The following SIRPD variants were observed in gnomAD, a reference collection of about 807,000 sequenced individuals.
The protein encoded by SIRPD is signal-regulatory protein delta.
Under a neutral mutation model 18.0 loss-of-function variants are expected in SIRPD, and 21 were observed. The ratio of observed to expected loss-of-function variants is 1.17; its 90% CI spans 0.83 to 1.68. The LOEUF is 1.68. Ranked by LOEUF, SIRPD falls within the 40% of genes most tolerant of loss-of-function variation. The probability of loss-of-function intolerance (pLI) is 0.00; values close to 1 mark genes in which losing one functional copy is unlikely to be tolerated. For missense variants in SIRPD, 295 were observed against 238.4 expected (o/e 1.24, Z -1.56); for synonymous variants, 106 against 92.9 (o/e 1.14, Z -0.81).
At chr20:1,549,752 A>G (rs895345532) in intron 2 of SIRPD, among the ~76,000 whole-genome samples, 1 of 152,136 alleles carries the variant, frequency 6.6e-6, no homozygotes, top group Non-Finnish European at 1.5e-5. Context: ...AATTTTCACC[A>G]GTTTCCATGG....
At chr20:1,555,521 G>C (rs2091036652) in intron 1 of SIRPD, among the ~76,000 whole-genome samples, 2 of 152,164 alleles carry the variant, frequency 1.3e-5, no homozygotes, top group South Asian at 4.1e-4. Flanking sequence ...TATGTGAGGT[G>C]ATGGATATGT....
At chr20:1,551,668 T>C (rs528800367) in intron 2 of SIRPD, 23 bp downstream of exon 2, 3 of 1,560,604 alleles carry the variant, frequency 1.9e-6, no homozygotes, top group African/African-American at 2.7e-5. Context: ...CCAGGGGGTA[T>C]GGGGTATAGG....
At chr20:1,550,106 A>G (rs903992097) in intron 2 of SIRPD, among the ~76,000 whole-genome samples, 1 of 152,184 alleles carries the variant, frequency 6.6e-6, no homozygotes, top group Non-Finnish European at 1.5e-5. Flanking sequence ...AGAAGAGTCT[A>G]CCTGGGTTCC....
intron 3 of SIRPD, among the ~76,000 whole-genome samples, chr20:1,536,652 C>G (rs1479965527): frequency 6.6e-6 from 1 of 152,154 alleles, no homozygotes; most frequent in Non-Finnish European, 1.5e-5. Context: ...TTCTACATTG[C>G]ATGTGTAGTA....
intron 2 of SIRPD, among the ~76,000 whole-genome samples, chr20:1,542,659 G>A (rs1382659128): frequency 2.6e-5 from 4 of 152,130 alleles, no homozygotes; most frequent in Non-Finnish European, 5.9e-5. Flanking sequence ...GCCCCAGCCT[G>A]TACTTCCCAT....
At chr20:1,536,682 C>T (rs553736969) in intron 3 of SIRPD, among the ~76,000 whole-genome samples, 150 of 152,188 alleles carry the variant, frequency 9.9e-4, no homozygotes, top group African/African-American at 3.5e-3. Context: ...ATCTATCTAC[C>T]TATCTATCTA....
intron 1 of SIRPD, among the ~76,000 whole-genome samples, chr20:1,552,501 G>GAGA (rs1242060596): frequency 6.6e-6 from 1 of 152,138 alleles, no homozygotes; most frequent in African/African-American, 2.4e-5. Context: ...TTCATGCTGA[G>GAGA]AGATGCACAG....
At chr20:1,540,819 G>A (rs926117042) in intron 2 of SIRPD, among the ~76,000 whole-genome samples, 1 of 152,080 alleles carries the variant, frequency 6.6e-6, no homozygotes, top group Non-Finnish European at 1.5e-5. Flanking sequence ...GCCTTGGTGT[G>A]TGATGTTCTC....
Position 1,552,132 on chromosome 20 carries a change from A to G in SIRPD, c.74-94T>C, listed in dbSNP as rs2091022391. 1.2e-5 allele frequency: 13 copies of G among 1,045,552 alleles called. No homozygotes were observed. In the South Asian group the frequency reaches 1.9e-4, roughly 15 times the overall value. The allele number at this position is 1,045,552 out of a possible 1,614,324, so 64.8% of individuals were successfully genotyped here. ...TGGGCCTCATTCATTAATTCTTTTAATGACATGCGCAAATGCCCATGCATT... is the reference window on the plus strand; with the variant it reads ...TGGGCCTCATTCATTAATTCTTTTAGTGACATGCGCAAATGCCCATGCATT... On this transcript the variant is annotated intron_variant, in intron 1 of 3. Transcript: ENST00000381623.
chr20:1,538,338 A>T (rs1176962153), intron 2 of SIRPD, among the ~76,000 whole-genome samples: 1 of 152,058 alleles, frequency 6.6e-6, no homozygotes, highest in Non-Finnish European at 1.5e-5. Flanking sequence ...CTTGTTAAAC[A>T]TTTTTTCTGA....
At chr20:1,546,848 C>G (rs1300299551) in intron 2 of SIRPD, among the ~76,000 whole-genome samples, 1 of 152,104 alleles carries the variant, frequency 6.6e-6, no homozygotes, top group Non-Finnish European at 1.5e-5. Flanking sequence ...ATGCTGAGCT[C>G]CTTTTGATGT....
intron 2 of SIRPD, among the ~76,000 whole-genome samples, chr20:1,546,226 C>T (rs2090993093): frequency 6.6e-6 from 1 of 152,218 alleles, no homozygotes; most frequent in African/African-American, 2.4e-5. Context: ...CACAGCTGCC[C>T]CTTCCCCCCG....
chr20:1,541,607 T>C (rs560310143), intron 2 of SIRPD, among the ~76,000 whole-genome samples: 1 of 152,354 alleles, frequency 6.6e-6, no homozygotes, highest in South Asian at 2.1e-4. Context: ...ACTCTGATAA[T>C]AGTTTCTTTT....
At chr20:1,535,242 G>A (rs1196510950) in intron 3 of SIRPD, among the ~76,000 whole-genome samples, 2 of 152,140 alleles carry the variant, frequency 1.3e-5, no homozygotes, top group African/African-American at 2.4e-5. Flanking sequence ...TTAAAAGTTC[G>A]ATGTATCTAG....
chr20:1,548,181 CAT>C (rs2091002452), intron 2 of SIRPD, among the ~76,000 whole-genome samples: 1 of 152,174 alleles, frequency 6.6e-6, no homozygotes, highest in African/African-American at 2.4e-5. Context: ...TAACCATCCT[CAT>C]TAATTGTGAC....
In SIRPD at chr20:1,534,441, C is replaced by A. The variant is rs140708202; in HGVS notation, c.578G>T (p.Gly193Val). 577 of 1,611,350 alleles carry A rather than the reference C, an allele frequency of 3.6e-4. 2 individuals are homozygous for A. In the African/African-American group the frequency reaches 7.0e-3, roughly 20 times the overall value. Residue 193 changes from glycine (G) to valine (V), a missense_variant and splice_region_variant, in exon 4 of 4, where the codon GGC becomes GTC. Coordinates refer to ENST00000381623, the MANE Select transcript of SIRPD (RefSeq NM_178460.3). The stretch of plus-strand genomic sequence containing the variant: ...CTGTTTGGATTATTTTGACAGCAAG[C>A]CTGAAATACAATAAAAATAAAATAA... ...CCCLRLLGLT[G>V]LLSK
rs1411506986 is a variant in SIRPD at position 1,551,912 on chromosome 20, C to G, written c.200G>C (p.Gly67Ala). The G allele has an allele frequency of 6.2e-7, 1 of 1,613,936 alleles. No individual in the cohort carries two copies. Among genetic ancestry groups the G allele is most frequent in the African/African-American group, 1.3e-5 (1 of 74,890 alleles). The change falls in exon 2 of 4, where the codon GGA (glycine) becomes GCA (alanine). Residue 67 changes from glycine (G) to alanine (A), a missense_variant. Physicochemically the swap from Gly to Ala is moderately conservative, Grantham distance 60. Coordinates refer to ENST00000381623, the MANE Select transcript of SIRPD (RefSeq NM_178460.3). ...LPNGPVLWFK[G>A]TGPNRKLIYN... ...GATTAATTTCCGGTTTGGCCCTGTTCCCTTGAACCACAAGACAGGTCCATT... is the reference window on the plus strand; with the variant it reads ...GATTAATTTCCGGTTTGGCCCTGTTGCCTTGAACCACAAGACAGGTCCATT...
intron 2 of SIRPD, among the ~76,000 whole-genome samples, chr20:1,549,325 TG>T (rs1259983344): frequency 6.6e-6 from 1 of 152,180 alleles, no homozygotes. Context: ...ATGCTTTGCC[TG>T]TTAAGTTTGA....
chr20:1,546,865 T>G (rs1463078521), intron 2 of SIRPD, among the ~76,000 whole-genome samples: 1 of 152,248 alleles, frequency 6.6e-6, no homozygotes, highest in Non-Finnish European at 1.5e-5. Flanking sequence ...ATGTGCTTAT[T>G]GGCAATTTGA....
Sources: gnomAD v4.1 joint callset for allele counts (sites outside exome capture counted in the v4.1 genomes callset) on GRCh38, gnomAD v4.1.1 for gene constraint, MANE v1.5 for transcripts, NCBI Gene and HGNC (gene_info 2026-07-23, HGNC 2026-07-21) for gene names.